The following SLC6A13 variants were observed in gnomAD, a reference collection of about 807,000 sequenced individuals.
SLC6A13 encodes the protein sodium- and chloride-dependent GABA transporter 2.
SLC6A13 carries 69 observed loss-of-function variants against 72.9 expected under a neutral mutation model. The observed-to-expected ratio is 0.95, with a 90% CI of 0.78 to 1.16. The LOEUF (loss-of-function observed/expected upper bound fraction) is 1.16, where lower values mean the gene tolerates loss of function less well. Ranked by LOEUF, SLC6A13 falls within the 50% of genes most tolerant of loss-of-function variation. SLC6A13 has a pLI of 0.00. For synonymous variants in SLC6A13, 303 were observed against 303.0 expected (o/e 1.00, Z 0.00); for missense variants, 735 against 760.5 (o/e 0.97, Z 0.39).
intron 14 of SLC6A13, 46 bp from the exon 15 acceptor site, chr12:221,116 G>T: frequency 6.5e-7 from 1 of 1,542,400 alleles, no homozygotes. Flanking sequence ...AGCGGGGGCA[G>T]GTCTGCCAGC....
chr12:243,313 C>G (rs562925963), intron 3 of SLC6A13, among the ~76,000 whole-genome samples: 9 of 152,330 alleles, frequency 5.9e-5, no homozygotes, highest in African/African-American at 2.2e-4. Flanking sequence ...CCACGCCCGG[C>G]CAAGATAGAA....
At chr12:247,347 C>T (rs1041625682) in intron 2 of SLC6A13, among the ~76,000 whole-genome samples, 18 of 151,734 alleles carry the variant, frequency 1.2e-4, no homozygotes, top group African/African-American at 3.1e-4. Flanking sequence ...CAGAGAAAAA[C>T]GACACATATG....
At chr12:239,082 C>G (rs1181370550) in intron 4 of SLC6A13, among the ~76,000 whole-genome samples, 1 of 150,894 alleles carries the variant, frequency 6.6e-6, no homozygotes, top group African/African-American at 2.5e-5. Flanking sequence ...CCACGTCCAC[C>G]CTGTTCCCTG....
intron 9 of SLC6A13, among the ~76,000 whole-genome samples, chr12:226,080 G>C (rs922433907): frequency 6.6e-6 from 1 of 152,154 alleles, no homozygotes; most frequent in Non-Finnish European, 1.5e-5. Flanking sequence ...GTATATGTCT[G>C]TATATATATT....
At chr12:237,612 G>T (rs908165144) in intron 5 of SLC6A13, among the ~76,000 whole-genome samples, 1 of 152,066 alleles carries the variant, frequency 6.6e-6, no homozygotes, top group African/African-American at 2.4e-5. Flanking sequence ...TGGGGGGAGG[G>T]GGTGGGTCAG....
At chr12:224,541 C>G in intron 9 of SLC6A13, 28 bp from the exon 10 acceptor site, 1 of 1,585,666 alleles carries the variant, frequency 6.3e-7, no homozygotes. Context: ...GGAACACGGG[C>G]CAGTGCCCGG....
At chr12:235,804 T>C (rs1429224869) in intron 6 of SLC6A13, among the ~76,000 whole-genome samples, 1 of 152,180 alleles carries the variant, frequency 6.6e-6, no homozygotes, top group Non-Finnish European at 1.5e-5. Flanking sequence ...ATTCTTTTCC[T>C]AGCAAGGAAT....
intron 2 of SLC6A13, among the ~76,000 whole-genome samples, chr12:255,849 T>C (rs1262789551): frequency 1.6e-5 from 2 of 124,526 alleles, no homozygotes; most frequent in African/African-American, 4.9e-5. Flanking sequence ...TCCCTGACCT[T>C]ACCTTCTATT....
intron 7 of SLC6A13, among the ~76,000 whole-genome samples, chr12:228,770 T>C (rs1269524586): frequency 1.3e-5 from 2 of 152,120 alleles, no homozygotes; most frequent in African/African-American, 4.8e-5. Context: ...GAGGGATCCA[T>C]CAGCAGGCTG....
chr12:226,648 G>A, intron 8 of SLC6A13, 134 bp from the exon 9 acceptor site: 1 of 1,147,484 alleles, frequency 8.7e-7, no homozygotes, highest in South Asian at 1.6e-5. Flanking sequence ...CCGGAGCAGG[G>A]CTACCTGGCA....
chr12:256,043 A>G (rs1942731285), intron 2 of SLC6A13, among the ~76,000 whole-genome samples: 1 of 151,902 alleles, frequency 6.6e-6, no homozygotes, highest in East Asian at 1.9e-4. Flanking sequence ...ACCCTTTTAA[A>G]AATTGCCACC....
At chr12:232,831 G>A (rs137935803) in intron 7 of SLC6A13, among the ~76,000 whole-genome samples, 35 of 152,294 alleles carry the variant, frequency 2.3e-4, no homozygotes, top group African/African-American at 6.0e-4. Flanking sequence ...AAGCCACAGC[G>A]TCCCAGCAGA....
rs73604847 is a variant in SLC6A13, at chr12:260,162, G to A, written c.-5-105C>T. 847 of 1,252,864 alleles carry A rather than the reference G, an allele frequency of 6.8e-4. 4 individuals carry two copies. The African/African-American group carries it at 0.012, about 17-fold the overall frequency. 77.6% of individuals were successfully genotyped at this position (1,252,864 alleles called of 1,614,324 possible). A position where few individuals can be genotyped will look rare whatever the true frequency, so the allele number is the denominator to read the frequency against. ...ATAAGGGAATGAATGCACTGGAAGAGGTGAATTTCTATTCCCTTCCCTGTA... is the reference window on the plus strand; with the variant it reads ...ATAAGGGAATGAATGCACTGGAAGAAGTGAATTTCTATTCCCTTCCCTGTA... On this transcript the variant is annotated intron_variant, in intron 1 of 14. Coordinates refer to ENST00000343164, the MANE Select transcript of SLC6A13 (RefSeq NM_016615.5).
chr12:223,880 G>T, intron 11 of SLC6A13, 112 bp downstream of exon 11: 1 of 1,232,254 alleles, frequency 8.1e-7, no homozygotes, highest in Non-Finnish European at 1.2e-6. Context: ...CTAGTGTCCA[G>T]AAGCCCAGAA....
rs746431717 is a variant in SLC6A13, at chr12:221,517, G to A, written c.1545C>T (p.Tyr515=). Residue 515 remains tyrosine (Y), a synonymous_variant, in exon 14 of 15, where the codon TAC becomes TAT. Transcript: ENST00000343164. Reference sequence around the variant, plus strand: ...ACTTCTTGTTGTAGGTCAGCGGAGTGTACTTTATCAGGGAGAAGAGAAAGG... The same window carrying A: ...ACTTCTTGTTGTAGGTCAGCGGAGTATACTTTATCAGGGAGAAGAGAAAGG... ...TATFLFSLIK[Y]TPLTYNKKYT... 50 of 1,607,390 alleles carry A rather than the reference G, an allele frequency of 3.1e-5. No homozygotes were observed. The South Asian group carries it at 5.3e-4, about 17-fold the overall frequency.
At chr12:257,805 C>T (rs1942795529) in intron 2 of SLC6A13, among the ~76,000 whole-genome samples, 1 of 152,212 alleles carries the variant, frequency 6.6e-6, no homozygotes, top group South Asian at 2.1e-4. Flanking sequence ...CCCCTGTCAG[C>T]CCAGTGCTTT....
Position 227,598 on chromosome 12 carries a change from C to T in SLC6A13, c.902G>A (p.Gly301Asp). The T allele has an allele frequency of 1.9e-6, 3 of 1,613,936 alleles. No individual in the cohort carries two copies. Among genetic ancestry groups the T allele is most frequent in the South Asian group, 2.2e-5 (2 of 91,078 alleles). ...GTTGTTGTGGTACTTGTTGTAGCTG[C>T]CCAGGGCTGTCAGGCACCCAAGACA... The part of the protein sequence containing the change: ...AICLGCLTAL[G>D]SYNKYHNNCY... Residue 301 changes from glycine (G) to aspartate (D), a missense_variant, in exon 8 of 15, where the codon GGC (glycine) becomes GAC (aspartate). By Grantham distance (94) the Gly-to-Asp change is moderately conservative. Transcript: ENST00000343164.
chr12:237,392 C>G, intron 5 of SLC6A13, 102 bp from the exon 6 acceptor site: 1 of 1,307,186 alleles, frequency 7.7e-7, no homozygotes, highest in Non-Finnish European at 1.1e-6. Context: ...AGGCTCTTGT[C>G]CAAAGGCTTC....
Position 237,253 on chromosome 12 carries a change from G to C in SLC6A13, c.601C>G (p.Leu201Val). The change falls in exon 6 of 15, where the codon CTG (leucine) becomes GTG (valine). Residue 201 changes from leucine to valine, a missense_variant. Coordinates refer to ENST00000343164, the MANE Select transcript of SLC6A13 (RefSeq NM_016615.5). ...GCCAGCTCCCAGCGCAGGGCCCCCAGGTGCTGGATCCCATCAGAGATCTTC... is the reference window on the plus strand; with the variant it reads ...GCCAGCTCCCAGCGCAGGGCCCCCACGTGCTGGATCCCATCAGAGATCTTC... ...VLKISDGIQH[L>V]GALRWELALC... 6.2e-7 allele frequency: 1 copy of C among 1,614,184 alleles called. No individual in the cohort carries two copies. Among genetic ancestry groups the C allele is most frequent in the African/African-American group, 1.3e-5 (1 of 75,048 alleles).
Sources: gnomAD v4.1 joint callset for allele counts (sites outside exome capture counted in the v4.1 genomes callset) on GRCh38, gnomAD v4.1.1 for gene constraint, MANE v1.5 for transcripts, NCBI Gene and HGNC (gene_info 2026-07-23, HGNC 2026-07-21) for gene names.